CHDH: variants seen among roughly 807,000 people sequenced by gnomAD.
CHDH encodes the protein choline dehydrogenase.
A neutral mutation model predicts 56.9 loss-of-function variants in CHDH; 43 were observed. That is an observed-to-expected ratio of 0.76 (90% CI 0.59 to 0.97). The LOEUF is 0.97. CHDH is among the 50% of genes least tolerant of loss of function. The probability of loss-of-function intolerance (pLI) is 0.00; values close to 1 mark genes in which losing one functional copy is unlikely to be tolerated. For synonymous variants in CHDH, 364 were observed against 348.5 expected (o/e 1.04, Z -0.50); for missense variants, 816 against 821.1 (o/e 0.99, Z 0.08).
intron 3 of CHDH, 40 bp downstream of exon 3, chr3:53,823,266 G>C (rs748421325): frequency 6.9e-7 from 1 of 1,447,374 alleles, no homozygotes; most frequent in Non-Finnish European, 9.1e-7. Context: ...GGCTGGGGTA[G>C]GGGGTAGTGC....
intron 2 of CHDH, among the ~76,000 whole-genome samples, chr3:53,824,981 T>C (rs1002455588): frequency 5.9e-5 from 9 of 152,294 alleles, no homozygotes; most frequent in African/African-American, 2.2e-4. Context: ...CAGAGGCTCT[T>C]TCTCCTCCTC....
rs142675899 is a variant in CHDH, at chr3:53,827,061, A to G, written c.-59-2994T>C. On this transcript the variant is annotated intron_variant, in intron 2 of 8. Coordinates refer to ENST00000315251, the MANE Select transcript of CHDH (RefSeq NM_018397.5). Reference sequence around the variant, plus strand: ...TTTGGGAGGCTAAGGTCAGAGGATCATTTGAGGCCAGGAGTTTGAGACCAG... The same window carrying G: ...TTTGGGAGGCTAAGGTCAGAGGATCGTTTGAGGCCAGGAGTTTGAGACCAG... Among the ~76,000 whole-genome samples the G allele has an allele frequency of 4.1e-3, 623 of 152,298 alleles. 10 individuals are homozygous for G. The East Asian group carries it at 0.043, about 11-fold the overall frequency.
chr3:53,835,294 G>A (rs536215020), intron 2 of CHDH, among the ~76,000 whole-genome samples: 3 of 152,348 alleles, frequency 2.0e-5, no homozygotes, highest in Admixed American at 6.5e-5. Flanking sequence ...ATAGCCCATT[G>A]TGGACAAGGC....
chr3:53,835,305 T>C (rs1323048446), intron 2 of CHDH, among the ~76,000 whole-genome samples: 3 of 152,286 alleles, frequency 2.0e-5, no homozygotes, highest in Non-Finnish European at 4.4e-5. Context: ...TGGACAAGGC[T>C]CAGGTAGGCC....
intron 2 of CHDH, among the ~76,000 whole-genome samples, chr3:53,829,140 C>T (rs1341841627): frequency 6.6e-5 from 10 of 152,006 alleles, no homozygotes. Context: ...ACGAAAGAAG[C>T]CAATCAGAAA....
In CHDH at chr3:53,823,605, T is replaced by C. The variant is rs1239006408; in HGVS notation, c.404A>G (p.Asn135Ser). 7.1e-6 allele frequency: 11 copies of C among 1,543,686 alleles called. No individual in the cohort carries two copies. Among genetic ancestry groups the C allele is most frequent in the Admixed American group, 2.0e-5 (1 of 50,950 alleles). Residue 135 changes from asparagine (N) to serine (S), a missense_variant, in exon 3 of 9, where the codon AAT becomes AGT. Transcript: ENST00000315251. ...GRVWGGSSSL[N>S]AMVYVRGHAE... is the part of the protein sequence containing the mutation. The stretch of plus-strand genomic sequence containing the variant: ...GTGCCCACGGACGTAGACCATGGCA[T>C]TGAGGGATGAGGAGCCACCCCAGAC...
intron 2 of CHDH, among the ~76,000 whole-genome samples, chr3:53,833,245 T>C (rs1404539004): frequency 6.6e-6 from 1 of 152,224 alleles, no homozygotes; most frequent in Admixed American, 6.5e-5. Flanking sequence ...GCCTTCTTCC[T>C]GAGGTGGCGG....
At chr3:53,822,122 A>T (rs1032343930) in intron 4 of CHDH, among the ~76,000 whole-genome samples, 2 of 152,252 alleles carry the variant, frequency 1.3e-5, no homozygotes, top group Non-Finnish European at 2.9e-5. Context: ...ACCCCCTGCC[A>T]ACAACACAGA....
intron 8 of CHDH, 56 bp from the exon 9 acceptor site, chr3:53,818,251 T>G: frequency 6.8e-7 from 1 of 1,465,922 alleles, no homozygotes. Flanking sequence ...CTGGCCTCAC[T>G]GGAAGATTCA....
intron 2 of CHDH, among the ~76,000 whole-genome samples, chr3:53,826,876 T>C (rs2095639984): frequency 6.6e-6 from 1 of 152,202 alleles, no homozygotes; most frequent in Non-Finnish European, 1.5e-5. Flanking sequence ...CTGGAACTAA[T>C]AAGCAATTAT....
chr3:53,842,116 C>T (rs2118421), intron 1 of CHDH, among the ~76,000 whole-genome samples: 32,690 of 150,446 alleles, frequency 0.22, 4,408 homozygotes, highest in Non-Finnish European at 0.3. Context: ...CAGGACAACA[C>T]TCTGTCTCAA....
chr3:53,823,898 G>C lies in CHDH; in HGVS notation c.111C>G (p.Ser37Arg), dbSNP rs778395266. Residue 37 changes from serine to arginine, a missense_variant, in exon 3 of 9, where the codon AGC becomes AGG. Transcript: ENST00000315251. Reference sequence around the variant, plus strand: ...CCACCACATAGCTGTACTCGTCCCGGCTCTCAGAGCCTGCGCTGGCCAGGG... The same window carrying C: ...CCACCACATAGCTGTACTCGTCCCGCCTCTCAGAGCCTGCGCTGGCCAGGG... ...ARALASAGSE[S>R]RDEYSYVVVG... 1.9e-6 allele frequency: 3 copies of C among 1,576,500 alleles called. No individual in the cohort carries two copies.
At position 53,819,400 on chromosome 3, in the gene CHDH, G is replaced by T. The variant is rs544276983; in HGVS notation, c.1263+132C>A. 1.6e-6 allele frequency: 2 copies of T among 1,224,520 alleles called. No individual in the cohort carries two copies. Among genetic ancestry groups the T allele is most frequent in the Non-Finnish European group, 2.3e-6 (2 of 873,314 alleles). The allele number at this position is 1,224,520 out of a possible 1,614,324, so 75.9% of individuals were successfully genotyped here. ...ACACGCTGGGCAGCTGGAAGGCAGG[G>T]GACAGGCCTCTGTGTCCCCCACTCT... is the stretch of plus-strand genomic sequence containing the variant. On this transcript the variant is annotated intron_variant, in intron 7 of 8. Transcript: ENST00000315251. The surrounding 1 kb of genome is among the most constrained non-coding windows in gnomAD (Gnocchi z 5.4).
chr3:53,836,557 A>C (rs531921675), intron 2 of CHDH, among the ~76,000 whole-genome samples: 1 of 152,190 alleles, frequency 6.6e-6, no homozygotes, highest in South Asian at 2.1e-4. Flanking sequence ...TCTCTGTGCC[A>C]CTTACTGGGA....
rs2095605103 is a variant in CHDH, at chr3:53,812,587, T to G, written c.*5190A>C. 1.0e-5 allele frequency: 1 copy of G among 100,032 alleles called. No homozygotes were observed. Among genetic ancestry groups the G allele is most frequent in the Admixed American group, 1.2e-4 (1 of 8,336 alleles). The allele number at this position is 100,032 out of a possible 1,614,324, so 6.2% of individuals were successfully genotyped here. A position where few individuals can be genotyped will look rare whatever the true frequency, so the allele number is the denominator to read the frequency against. On this transcript the variant is annotated 3_prime_UTR_variant, in exon 9 of 9. Transcript: ENST00000315251. ...TTTGTTTGTTTGACTTGAACCACCC[T>G]CTGGTAAGTAAGTAAGTGAATTACA...
chr3:53,817,794 G>C lies in CHDH; in HGVS notation c.1768C>G (p.Leu590Val). The C allele has an allele frequency of 6.2e-7, 1 of 1,605,672 alleles. No individual in the cohort carries two copies. Among genetic ancestry groups the C allele is most frequent in the Non-Finnish European group, 8.5e-7 (1 of 1,175,298 alleles). The change falls in exon 9 of 9, where the codon CTG (leucine) becomes GTG (valine). Residue 590 changes from leucine (L) to valine (V), a missense_variant. Coordinates refer to ENST00000315251, the MANE Select transcript of CHDH (RefSeq NM_018397.5). ...KDVPVYKPRTLATQR is the reference protein window; with the variant it reads ...KDVPVYKPRTVATQR ...CAACTGTCTTAGCGCTGGGTGGCCA[G>C]CGTCCTGGGCTTGTAGACAGGGACA...
chr3:53,823,537 A>T lies in CHDH; in HGVS notation c.472T>A (p.Trp158Arg). 2 of 1,542,324 alleles carry T rather than the reference A, an allele frequency of 1.3e-6. No homozygotes were observed. The highest frequency in any genetic ancestry group is 1.7e-6 in the Non-Finnish European group (2 of 1,146,018). Residue 158 changes from tryptophan to arginine, a missense_variant, in exon 3 of 9, where the codon TGG becomes AGG. Transcript: ENST00000315251. The part of the protein sequence containing the change: ...ERWQRQGARG[W>R]DYAHCLPYFR... ...TAGGGCAGGCAGTGCGCGTAGTCCC[A>T]GCCGCGGGCGCCCTGGCGCTGCCAG...
chr3:53,840,258 C>A (rs1698629406), intron 2 of CHDH, among the ~76,000 whole-genome samples: 1 of 152,172 alleles, frequency 6.6e-6, no homozygotes, highest in Non-Finnish European at 1.5e-5. Context: ...GGGTGGCTCA[C>A]ACCTGTAATC....
chr3:53,835,872 C>A, intron 2 of CHDH, among the ~76,000 whole-genome samples: 1 of 152,176 alleles, frequency 6.6e-6, no homozygotes, highest in East Asian at 1.9e-4. Flanking sequence ...GGGAAACGAG[C>A]CTGAAGAGGT....
Sources: allele counts gnomAD v4.1 joint callset (sites outside exome capture counted in the v4.1 genomes callset), GRCh38; gene constraint gnomAD v4.1.1; non-coding constraint Gnocchi (gnomAD v3.1); transcripts MANE v1.5; gene names NCBI Gene and HGNC (gene_info 2026-07-23, HGNC 2026-07-21).